ZNRF1: variants seen among roughly 807,000 people sequenced by gnomAD.
The protein encoded by ZNRF1 is E3 ubiquitin-protein ligase ZNRF1.
ZNRF1 carries 3 observed loss-of-function variants against 18.4 expected under a neutral mutation model. The observed-to-expected ratio is 0.16, with a 90% CI of 0.07 to 0.42. ZNRF1 has a LOEUF of 0.42. Among genes scored for constraint, ZNRF1 ranks in the 10% least tolerant of loss-of-function variants. The pLI is 0.99. For missense variants in ZNRF1, 310 were observed against 329.8 expected, an observed-to-expected ratio of 0.94 and a Z score of 0.47; for synonymous variants, 157 against 144.2, an observed-to-expected ratio of 1.09 and a Z score of -0.64.
chr16:75,027,404 C>A (rs1048594587), intron 1 of ZNRF1, among the ~76,000 whole-genome samples: 1 of 152,190 alleles, frequency 6.6e-6, no homozygotes, highest in Non-Finnish European at 1.5e-5. Flanking sequence ...GGGCCTATGA[C>A]ATTCTTTGTA....
chr16:75,016,285 C>T (rs1321633549), intron 1 of ZNRF1, among the ~76,000 whole-genome samples: 5 of 151,832 alleles, frequency 3.3e-5, no homozygotes, highest in Admixed American at 1.3e-4. Flanking sequence ...GTCGCCCAGG[C>T]TGGAGTGCAG....
At chr16:75,091,801 T>C (rs149485219) in intron 1 of ZNRF1, among the ~76,000 whole-genome samples, 3,536 of 151,822 alleles carry the variant, frequency 0.023, 66 homozygotes, top group Non-Finnish European at 0.032. Flanking sequence ...CCTCCCAGAG[T>C]ACTGGAATTA....
chr16:75,031,466 TA>T (rs142198947), intron 1 of ZNRF1, among the ~76,000 whole-genome samples: 69 of 152,112 alleles, frequency 4.5e-4, no homozygotes, highest in South Asian at 6.2e-4. Context: ...TTGTTTTACT[TA>T]AAAAAAAATT....
At chr16:75,071,906 C>A (rs550892720) in intron 1 of ZNRF1, among the ~76,000 whole-genome samples, 59 of 152,052 alleles carry the variant, frequency 3.9e-4, no homozygotes, top group Admixed American at 7.2e-4. Flanking sequence ...GACTCCTGCA[C>A]CTAGGGTACC....
intron 1 of ZNRF1, among the ~76,000 whole-genome samples, chr16:75,005,236 C>G (rs1016733327): frequency 2.0e-5 from 3 of 152,146 alleles, no homozygotes; most frequent in African/African-American, 7.2e-5. Flanking sequence ...CTCTTTATTA[C>G]CATGAGGGCT....
At chr16:75,086,719 G>A (rs1051378917) in intron 1 of ZNRF1, among the ~76,000 whole-genome samples, 12 of 152,318 alleles carry the variant, frequency 7.9e-5, no homozygotes, top group African/African-American at 2.6e-4. Flanking sequence ...CGGAAAGATT[G>A]AGGCTGGAAA....
chr16:75,076,921 A>C (rs1251661450), intron 1 of ZNRF1, among the ~76,000 whole-genome samples: 2 of 152,034 alleles, frequency 1.3e-5, no homozygotes, highest in African/African-American at 4.8e-5. Context: ...CCCTCACCAC[A>C]CATCAGACCT....
chr16:75,027,419 T>C (rs1428054603), intron 1 of ZNRF1, among the ~76,000 whole-genome samples: 2 of 152,238 alleles, frequency 1.3e-5, no homozygotes, highest in East Asian at 3.8e-4. Context: ...TTTGTAGTTT[T>C]GTAAAATGGT....
chr16:75,026,764 C>T (rs1459633543), intron 1 of ZNRF1, among the ~76,000 whole-genome samples: 2 of 151,852 alleles, frequency 1.3e-5, no homozygotes, highest in African/African-American at 2.4e-5. Context: ...GGTGAAACCC[C>T]GTCTCTACTA....
chr16:75,059,341 C>T (rs541603150), intron 1 of ZNRF1, among the ~76,000 whole-genome samples: 21 of 148,440 alleles, frequency 1.4e-4, no homozygotes, highest in African/African-American at 5.2e-4. Context: ...TCCACCTCCT[C>T]CGTTCAAGCG....
chr16:75,109,414 T>G lies in ZNRF1; in HGVS notation c.*1714T>G, dbSNP rs1412708312. The G allele has an allele frequency of 6.5e-6, 1 of 153,372 alleles. No individual in the cohort carries two copies. 9.5% of individuals were successfully genotyped at this position (153,372 alleles called of 1,614,324 possible). On this transcript the variant is annotated 3_prime_UTR_variant, in exon 5 of 5. Coordinates refer to ENST00000335325, the MANE Select transcript of ZNRF1 (RefSeq NM_032268.5). ...TGACCCTTCTCAGGCCCGCCTGATG[T>G]GCTGGACCATCCCCCTGCTGCCACG...
chr16:75,010,719 G>GTTTTTTTTTTT (rs71158572), intron 1 of ZNRF1, among the ~76,000 whole-genome samples: 3 of 85,048 alleles, frequency 3.5e-5, no homozygotes, highest in South Asian at 3.1e-4. Flanking sequence ...TTGTTTTTTT[G>GTTTTTTTTTTT]TTTTTTTTTT....
chr16:75,065,401 G>A (rs562620687), intron 1 of ZNRF1, among the ~76,000 whole-genome samples: 10 of 151,714 alleles, frequency 6.6e-5, no homozygotes, highest in African/African-American at 2.4e-4. Context: ...CCAGAGCCAC[G>A]CTCTGGCCGT....
At chr16:75,093,848 G>A (rs1015049039) in intron 2 of ZNRF1, among the ~76,000 whole-genome samples, 181 bp downstream of exon 2, 8 of 152,368 alleles carry the variant, frequency 5.3e-5, no homozygotes, top group Admixed American at 2.0e-4. Flanking sequence ...TCAGGTCAGA[G>A]AGGAAGAGGA....
In ZNRF1 at chr16:75,105,122, C is replaced by T. The variant is rs576549020; in HGVS notation, c.626+233C>T. 1.3e-5 allele frequency: 6 copies of T among 449,792 alleles called. No homozygotes were observed. The Admixed American group carries it at 1.5e-4, about 11-fold the overall frequency. 27.9% of individuals were successfully genotyped at this position (449,792 alleles called of 1,614,324 possible). A position where few individuals can be genotyped will look rare whatever the true frequency, so the allele number is the denominator to read the frequency against. On this transcript the variant is annotated intron_variant, in intron 3 of 4. Coordinates refer to ENST00000335325, the MANE Select transcript of ZNRF1 (RefSeq NM_032268.5). ...CCAGAGGTGTGCTCTGGTTTGAGGGCTCAGGTGGTGGGAGCTGATGGGGAG... is the reference window on the plus strand; with the variant it reads ...CCAGAGGTGTGCTCTGGTTTGAGGGTTCAGGTGGTGGGAGCTGATGGGGAG...
In ZNRF1 at chr16:75,029,136, A is replaced by ATTTTATTTTTAT. The variant is rs371654322; in HGVS notation, c.424+29058_424+29069dup. Among the ~76,000 whole-genome samples the ATTTTATTTTTAT allele has an allele frequency of 7.7e-4, 95 of 123,128 alleles. 1 individual carries two copies. Among genetic ancestry groups the ATTTTATTTTTAT allele is most frequent in the Middle Eastern group, 4.5e-3 (1 of 224 alleles). The allele number at this position is 123,128 out of a possible 152,430, so 80.8% of individuals were successfully genotyped here. Reference sequence around the variant, plus strand: ...GCAGTCTTGACTTTTTTATTATTTTATTTTATTTTTATTTTTATTTTTATT... The same window carrying ATTTTATTTTTAT: ...GCAGTCTTGACTTTTTTATTATTTTATTTTATTTTTATTTTTATTTTTATTTTTATTTTTATT... On this transcript the variant is annotated intron_variant, in intron 1 of 4. Transcript: ENST00000335325.
intron 1 of ZNRF1, among the ~76,000 whole-genome samples, chr16:75,080,652 C>T (rs1279000182): frequency 6.6e-6 from 1 of 152,130 alleles, no homozygotes; most frequent in Non-Finnish European, 1.5e-5. Context: ...CCTCCCCCAA[C>T]CCCACACACA....
intron 1 of ZNRF1, among the ~76,000 whole-genome samples, chr16:75,048,699 T>A (rs766735884): frequency 1.2e-4 from 19 of 152,182 alleles, no homozygotes; most frequent in Non-Finnish European, 7.3e-5. Flanking sequence ...CAGATGATGA[T>A]GTGTCCTTCC....
At chr16:75,092,898 G>C (rs574430888) in intron 1 of ZNRF1, among the ~76,000 whole-genome samples, 55 of 152,324 alleles carry the variant, frequency 3.6e-4, no homozygotes, top group African/African-American at 1.3e-3. Flanking sequence ...ATGTTAAACT[G>C]TTATGCAAAG....
Sources: gnomAD v4.1 joint callset for allele counts (sites outside exome capture counted in the v4.1 genomes callset) on GRCh38, gnomAD v4.1.1 for gene constraint, MANE v1.5 for transcripts, NCBI Gene and HGNC (gene_info 2026-07-23, HGNC 2026-07-21) for gene names.